EXOC4: variants seen among roughly 807,000 people sequenced by gnomAD.
EXOC4 encodes the protein SEC8-like 1.
EXOC4 carries 71 observed loss-of-function variants against 107.2 expected under a neutral mutation model. The ratio of observed to expected loss-of-function variants is 0.66; its 90% CI spans 0.55 to 0.81. The LOEUF (loss-of-function observed/expected upper bound fraction) is 0.81. EXOC4 is among the 30% of genes least tolerant of loss of function. The pLI is 0.00. For synonymous variants in EXOC4, 456 were observed against 441.2 expected (o/e 1.03, Z -0.42); for missense variants, 1,108 against 1,189.6 (o/e 0.93, Z 1.01).
At chr7:134,088,533 A>C in the EXOC4 span, among the ~76,000 whole-genome samples, 15 of 152,204 alleles carry the variant, frequency 9.9e-5, no homozygotes, top group African/African-American at 3.6e-4. Context: ...TTAGACTTCT[A>C]CTAGTTTACT....
At chr7:133,884,581 CTGTGTGTGTGTGTGTG>C (rs34350149) in intron 11 of EXOC4, among the ~76,000 whole-genome samples, 32 of 143,732 alleles carry the variant, frequency 2.2e-4, no homozygotes, top group African/African-American at 7.0e-4. Context: ...GCCCTATGCT[CTGTGTGTGTGTGTGTG>C]TGTGTGTGTG....
intron 10 of EXOC4, among the ~76,000 whole-genome samples, chr7:133,675,030 G>A (rs1794025120): frequency 6.6e-6 from 1 of 152,134 alleles, no homozygotes; most frequent in Non-Finnish European, 1.5e-5. Context: ...GTCTAAATTG[G>A]CAATTCAAAT....
chr7:133,872,635 C>A (rs530853487), intron 11 of EXOC4, among the ~76,000 whole-genome samples: 32 of 152,210 alleles, frequency 2.1e-4, no homozygotes, highest in Non-Finnish European at 3.4e-4. Flanking sequence ...AATGAGAAAC[C>A]ATTAAAATGA....
intron 10 of EXOC4, among the ~76,000 whole-genome samples, chr7:133,813,843 C>T (rs1473165213): frequency 1.3e-5 from 2 of 152,126 alleles, no homozygotes; most frequent in African/African-American, 2.4e-5. Context: ...ACACCATCTT[C>T]ATCCCCCCAC....
intron 3 of EXOC4, among the ~76,000 whole-genome samples, chr7:133,290,406 A>G (rs1210164281): frequency 1.3e-5 from 2 of 152,250 alleles, no homozygotes; most frequent in African/African-American, 2.4e-5. Context: ...AATAATGACT[A>G]TAGGGTGTCT....
downstream of EXOC4, among the ~76,000 whole-genome samples, chr7:134,067,149 C>T (rs1414341900): frequency 8.2e-6 from 1 of 121,962 alleles, no homozygotes; most frequent in Non-Finnish European, 1.7e-5. Context: ...CACTCTGTCT[C>T]AAAAAAAAAA....
intron 3 of EXOC4, among the ~76,000 whole-genome samples, chr7:133,297,296 T>C (rs944156735): frequency 6.6e-6 from 1 of 152,206 alleles, no homozygotes; most frequent in Non-Finnish European, 1.5e-5. Flanking sequence ...TGATTCTCCA[T>C]GTTTGGACTG....
rs151331509 is a variant in EXOC4 at position 134,062,311 on chromosome 7, C to T, written c.2688-1980C>T. ...CTTAGCAGGAGGAAAAGAAGCTAAC[C>T]GTGTGAAAAGACACCACAACTCTTC... On this transcript the variant is annotated intron_variant, in intron 17 of 17. Coordinates refer to ENST00000253861, the MANE Select transcript of EXOC4 (RefSeq NM_021807.4). Among the ~76,000 whole-genome samples the T allele has an allele frequency of 3.0e-3, 452 of 152,222 alleles. 9 individuals are homozygous for T. The highest frequency in any genetic ancestry group is 5.9e-4 in the Non-Finnish European group (40 of 68,014).
At chr7:133,256,712 T>G (rs964732031) in intron 1 of EXOC4, among the ~76,000 whole-genome samples, 1 of 152,218 alleles carries the variant, frequency 6.6e-6, no homozygotes, top group African/African-American at 2.4e-5. Context: ...AAATTTTGTA[T>G]TTTTTCAATG....
intron 14 of EXOC4, among the ~76,000 whole-genome samples, chr7:133,953,093 A>G (rs956110329): frequency 1.2e-4 from 18 of 152,204 alleles, no homozygotes; most frequent in African/African-American, 4.1e-4. Context: ...CTGATTGCTT[A>G]TATAAGTGAC....
At chr7:133,982,133 T>C (rs572676899) in intron 14 of EXOC4, among the ~76,000 whole-genome samples, 27 of 152,096 alleles carry the variant, frequency 1.8e-4, no homozygotes, top group Admixed American at 7.8e-4. Flanking sequence ...TCAGAAAAAA[T>C]AACTACTGGG....
At chr7:133,624,663 GCTCACTGC>G (rs1802412555) in intron 9 of EXOC4, among the ~76,000 whole-genome samples, 1 of 152,050 alleles carries the variant, frequency 6.6e-6, no homozygotes, top group Non-Finnish European at 1.5e-5. Context: ...CATGATCTCG[GCTCACTGC>G]AACCTCTGCC....
intron 4 of EXOC4, among the ~76,000 whole-genome samples, chr7:133,310,033 T>C (rs944745863): frequency 8.5e-5 from 13 of 152,192 alleles, no homozygotes; most frequent in South Asian, 2.1e-4. Flanking sequence ...TAATAGTGAC[T>C]AGGAAATTTG....
intron 10 of EXOC4, among the ~76,000 whole-genome samples, chr7:133,793,470 T>C (rs1007749844): frequency 5.3e-5 from 8 of 152,302 alleles, no homozygotes; most frequent in African/African-American, 1.7e-4. Context: ...TTTTGGTTTG[T>C]ATGTTCCTTT....
chr7:133,737,909 C>CTTTTTTTTTTTTTTTTTT lies in EXOC4; in HGVS notation c.1515-79413_1515-79396dup, dbSNP rs10673346. Among the ~76,000 whole-genome samples, 90 of 89,298 alleles carry CTTTTTTTTTTTTTTTTTT rather than the reference C, an allele frequency of 1.0e-3. 4 individuals carry two copies. Among genetic ancestry groups the CTTTTTTTTTTTTTTTTTT allele is most frequent in the Admixed American group, 1.3e-3 (8 of 6,158 alleles). The allele number at this position is 89,298 out of a possible 152,430, so 58.6% of individuals were successfully genotyped here. Reference sequence around the variant, plus strand: ...TTTTTGTGCCTCTTGATTTTTCTTTCTTTTTTTTTTTTTTTTTTTTGAGAC... The same window carrying CTTTTTTTTTTTTTTTTTT: ...TTTTTGTGCCTCTTGATTTTTCTTTCTTTTTTTTTTTTTTTTTTTTTTTTTTTTTTTTTTTTTTGAGAC... On this transcript the variant is annotated intron_variant, in intron 10 of 17. Coordinates refer to ENST00000253861, the MANE Select transcript of EXOC4 (RefSeq NM_021807.4).
rs75064417 is a variant in EXOC4, at chr7:133,924,314, G to A, written c.2027+6576G>A. Among the ~76,000 whole-genome samples the A allele has an allele frequency of 2.4e-3, 371 of 152,166 alleles. 5 individuals carry two copies. The highest frequency in any genetic ancestry group is 8.3e-3 in the African/African-American group (343 of 41,526). ...AATGACTAAATATCTTTTTCTTCTT[G>A]TTCCTCAGCTTATTTTTGTGTAACT... On this transcript the variant is annotated intron_variant, in intron 13 of 17. Transcript: ENST00000253861.
intron 9 of EXOC4, among the ~76,000 whole-genome samples, chr7:133,532,268 T>C (rs561573738): frequency 6.6e-6 from 1 of 152,206 alleles, no homozygotes; most frequent in Admixed American, 6.6e-5. Flanking sequence ...TTAACTCTTA[T>C]ATTGTCATTC....
chr7:133,685,674 A>G (rs1794281546), intron 10 of EXOC4, among the ~76,000 whole-genome samples: 2 of 152,210 alleles, frequency 1.3e-5, no homozygotes, highest in South Asian at 4.1e-4. Flanking sequence ...ATGCTGCCAG[A>G]GAAGACTAGG....
chr7:133,513,308 A>T (rs1799810346), intron 9 of EXOC4, among the ~76,000 whole-genome samples: 1 of 152,140 alleles, frequency 6.6e-6, no homozygotes, highest in African/African-American at 2.4e-5. Flanking sequence ...AGCTCAAGCG[A>T]TCCATCGCCT....
Sources: gnomAD v4.1 joint callset for allele counts (sites outside exome capture counted in the v4.1 genomes callset) on GRCh38, gnomAD v4.1.1 for gene constraint, MANE v1.5 for transcripts, NCBI Gene and HGNC (gene_info 2026-07-23, HGNC 2026-07-21) for gene names.